The following BMPR1B variants were observed in gnomAD, a reference collection of about 807,000 sequenced individuals.
The protein encoded by BMPR1B is bone morphogenetic protein receptor type-1B.
In BMPR1B, 12 loss-of-function variants were observed where a neutral mutation model predicts 59.1. The ratio of observed to expected loss-of-function variants is 0.20; its 90% CI spans 0.13 to 0.33. The LOEUF (loss-of-function observed/expected upper bound fraction) is 0.33, where lower values mean the gene tolerates loss of function less well. Ranked by LOEUF, BMPR1B falls within the 10% of genes least tolerant of loss-of-function variation. The pLI is 1.00. For missense variants in BMPR1B, 550 were observed against 610.9 expected (o/e 0.90, Z 1.05); for synonymous variants, 237 against 207.3 (o/e 1.14, Z -1.23).
intron 2 of BMPR1B, among the ~76,000 whole-genome samples, chr4:94,900,021 A>G (rs951046005): frequency 6.6e-6 from 1 of 152,042 alleles, no homozygotes; most frequent in African/African-American, 2.4e-5. Flanking sequence ...AGAGAGAGGA[A>G]CTTAAAGAAG....
intron 2 of BMPR1B, among the ~76,000 whole-genome samples, chr4:94,931,859 G>A (rs1412960621): frequency 6.6e-6 from 1 of 151,962 alleles, no homozygotes; most frequent in Non-Finnish European, 1.5e-5. Context: ...CCATTGTCTG[G>A]TCAATAGAAC....
At chr4:95,040,980 C>G (rs942224744) in intron 3 of BMPR1B, among the ~76,000 whole-genome samples, 5 of 152,118 alleles carry the variant, frequency 3.3e-5, no homozygotes, top group African/African-American at 1.2e-4. Context: ...AAGAAAAAAC[C>G]CTTTCCTCAA....
rs535404709 is a variant in BMPR1B at position 95,075,325 on chromosome 4, A to G, written c.-17-29083A>G. 2.3e-3 allele frequency among the ~76,000 whole-genome samples: 353 copies of G among 152,286 alleles called. 1 individual carries two copies. The highest frequency in any genetic ancestry group is 7.9e-3 in the African/African-American group (329 of 41,576). On this transcript the variant is annotated intron_variant, in intron 3 of 12. Transcript: ENST00000515059. ...TTCTAATAATTATTTTCTATTGGAA[A>G]GTGACTGCTATACTTATGATTTTTA...
chr4:95,119,523 T>A (rs909700298), intron 6 of BMPR1B, among the ~76,000 whole-genome samples: 1 of 152,206 alleles, frequency 6.6e-6, no homozygotes, highest in Non-Finnish European at 1.5e-5. Flanking sequence ...AGACAATGAA[T>A]GCTCAAATTA....
At chr4:94,930,583 T>C (rs76173361) in intron 2 of BMPR1B, among the ~76,000 whole-genome samples, 12,865 of 152,186 alleles carry the variant, frequency 0.085, 588 homozygotes, top group Non-Finnish European at 0.11. Flanking sequence ...AATGGGAATG[T>C]TGAATGGATT....
At chr4:95,100,142 G>C (rs372520175) in intron 3 of BMPR1B, among the ~76,000 whole-genome samples, 4 of 151,936 alleles carry the variant, frequency 2.6e-5, no homozygotes, top group Admixed American at 6.6e-5. Flanking sequence ...GGTAAGCTTC[G>C]TCTTCTCTTG....
intron 1 of BMPR1B, among the ~76,000 whole-genome samples, chr4:94,800,040 T>C (rs1723347869): frequency 6.6e-6 from 1 of 152,200 alleles, no homozygotes; most frequent in Non-Finnish European, 1.5e-5. Context: ...TAGTGTAGTA[T>C]TTTTGATTGG....
intron 3 of BMPR1B, among the ~76,000 whole-genome samples, chr4:95,103,090 A>T (rs1730941866): frequency 6.6e-6 from 1 of 152,120 alleles, no homozygotes; most frequent in South Asian, 2.1e-4. Context: ...AATTTGAATA[A>T]TCTAATGAAA....
Position 94,853,207 on chromosome 4 carries a change from A to G in BMPR1B, c.-182-22624A>G, listed in dbSNP as rs140455463. On this transcript the variant is annotated intron_variant, in intron 1 of 12. Transcript: ENST00000515059. ...AACTCATTTATTTACTAAATTTTTC[A>G]TAACGTGGAGTTCATGAAGTAAAAA... Among the ~76,000 whole-genome samples, 328 of 152,284 alleles carry G rather than the reference A, an allele frequency of 2.2e-3. 2 individuals are homozygous for G. The highest frequency in any genetic ancestry group is 7.7e-3 in the African/African-American group (319 of 41,576).
At chr4:94,943,155 T>G (rs2149045873) in intron 2 of BMPR1B, among the ~76,000 whole-genome samples, 1 of 152,196 alleles carries the variant, frequency 6.6e-6, no homozygotes, top group African/African-American at 2.4e-5. Flanking sequence ...TTTTTTTTTT[T>G]TTTGAGACAG....
At chr4:94,963,109 T>A (rs1055647550) in intron 2 of BMPR1B, among the ~76,000 whole-genome samples, 9 of 152,210 alleles carry the variant, frequency 5.9e-5, no homozygotes. Context: ...CTGTTGGACA[T>A]TTGTATACCT....
At chr4:95,043,334 A>G (rs1034106913) in intron 3 of BMPR1B, among the ~76,000 whole-genome samples, 5 of 152,270 alleles carry the variant, frequency 3.3e-5, no homozygotes, top group African/African-American at 7.2e-5. Context: ...TGCAAGAATC[A>G]TGCATATATA....
intron 2 of BMPR1B, among the ~76,000 whole-genome samples, chr4:94,923,021 A>G (rs1459555178): frequency 1.3e-5 from 2 of 152,150 alleles, no homozygotes; most frequent in African/African-American, 4.8e-5. Context: ...TCCCAAAGGA[A>G]CTCACATCAA....
At chr4:94,872,421 G>A (rs1457170914) in intron 1 of BMPR1B, among the ~76,000 whole-genome samples, 2 of 152,174 alleles carry the variant, frequency 1.3e-5, no homozygotes, top group East Asian at 3.8e-4. Flanking sequence ...AGTGATGATT[G>A]CAAGTATTTG....
chr4:95,031,488 C>T (rs1201614599), intron 3 of BMPR1B, among the ~76,000 whole-genome samples: 2 of 151,964 alleles, frequency 1.3e-5, no homozygotes, highest in Non-Finnish European at 2.9e-5. Flanking sequence ...TGCTGAGTTG[C>T]CCAGGCTGGA....
At position 95,085,485 on chromosome 4, in the gene BMPR1B, CAAG is replaced by C. The variant is rs1729506419; in HGVS notation, c.-17-18919_-17-18917del. Reference sequence around the variant, plus strand: ...GAGAAACCACTGGAAAACAAGAAATCAAGAAGGAGGCAGAAAAGGATCTCAGAT... The same window carrying C: ...GAGAAACCACTGGAAAACAAGAAATCAAGGAGGCAGAAAAGGATCTCAGAT... On this transcript the variant is annotated intron_variant, in intron 3 of 12. Coordinates refer to ENST00000515059, the MANE Select transcript of BMPR1B (RefSeq NM_001203.3). 2.0e-5 allele frequency among the ~76,000 whole-genome samples: 3 copies of C among 152,240 alleles called. No individual in the cohort carries two copies. The South Asian group carries it at 6.2e-4, about 32-fold the overall frequency.
At chr4:94,996,263 ATGT>A (rs2149103261) in intron 3 of BMPR1B, 129 bp downstream of exon 3, 1 of 152,356 alleles carries the variant, frequency 6.6e-6, no homozygotes, top group East Asian at 1.9e-4. Flanking sequence ...CTGGGTAAGA[ATGT>A]TGTTGGTGGC....
chr4:95,118,682 T>G (rs1732249490), intron 6 of BMPR1B, among the ~76,000 whole-genome samples: 1 of 152,196 alleles, frequency 6.6e-6, no homozygotes, highest in African/African-American at 2.4e-5. Context: ...GCTCTTTTCC[T>G]GATAGGTATC....
intron 3 of BMPR1B, among the ~76,000 whole-genome samples, chr4:95,099,325 G>T (rs1186836224): frequency 6.6e-6 from 1 of 152,018 alleles, no homozygotes; most frequent in Non-Finnish European, 1.5e-5. Context: ...TCCTTATATT[G>T]AATGGACAAG....
Sources: gnomAD v4.1 joint callset for allele counts (sites outside exome capture counted in the v4.1 genomes callset) on GRCh38, gnomAD v4.1.1 for gene constraint, MANE v1.5 for transcripts, NCBI Gene and HGNC (gene_info 2026-07-23, HGNC 2026-07-21) for gene names.